Variants in HMCN1 observed in about 807,000 individuals in gnomAD.
HMCN1 encodes hemicentin 1.
HMCN1 carries 321 observed loss-of-function variants against 625.9 expected under a neutral mutation model. The ratio of observed to expected loss-of-function variants is 0.51; its 90% CI spans 0.47 to 0.56. The LOEUF (loss-of-function observed/expected upper bound fraction) is 0.56, where lower values mean the gene tolerates loss of function less well. HMCN1 is among the 20% of genes least tolerant of loss of function. The pLI is 0.00. For missense variants in HMCN1, 6,588 were observed against 6,887.3 expected (o/e 0.96, Z 1.54); for synonymous variants, 2,425 against 2,417.6 (o/e 1.00, Z -0.09).
At chr1:185,850,210 G>C (rs1486195382) in intron 2 of HMCN1, among the ~76,000 whole-genome samples, 1 of 152,062 alleles carries the variant, frequency 6.6e-6, no homozygotes, top group Non-Finnish European at 1.5e-5. Context: ...TTTTAAAAAT[G>C]TACATTTAAC....
chr1:185,758,108 A>G (rs1655250521), intron 1 of HMCN1, among the ~76,000 whole-genome samples: 1 of 152,200 alleles, frequency 6.6e-6, no homozygotes, highest in Admixed American at 6.5e-5. Context: ...CGTCTTGGCA[A>G]TCGTGTCATT....
In HMCN1 at chr1:186,160,818, G is replaced by C. The variant is rs917144184; in HGVS notation, c.15257-4293G>C. 1.7e-3 allele frequency among the ~76,000 whole-genome samples: 260 copies of C among 150,958 alleles called. 5 individuals are homozygous for C. The highest frequency in any genetic ancestry group is 6.8e-3 in the Middle Eastern group (2 of 292). ...TTATAATCTCTGTTCTTTTACATTTGTTGAGGAGAGCTTTACTTCCAAGTA... is the reference window on the plus strand; with the variant it reads ...TTATAATCTCTGTTCTTTTACATTTCTTGAGGAGAGCTTTACTTCCAAGTA... On this transcript the variant is annotated intron_variant, in intron 97 of 106. Transcript: ENST00000271588.
At position 186,137,917 on chromosome 1, in the gene HMCN1, G is replaced by A. The variant is rs776119234; in HGVS notation, c.13869G>A (p.Arg4623=). Residue 4623 remains arginine (R), a synonymous_variant, in exon 89 of 107, where the codon CGG becomes CGA. Transcript: ENST00000271588. The stretch of plus-strand genomic sequence containing the variant: ...ATCCATCAGTTCAGCATGGTGGGCG[G>A]CCATGTGAAGGGAATGCTGTGGAAA... ...CNNPSVQHGG[R]PCEGNAVEII... 6.2e-7 allele frequency: 1 copy of A among 1,614,064 alleles called. No individual in the cohort carries two copies. The highest frequency in any genetic ancestry group is 8.5e-7 in the Non-Finnish European group (1 of 1,179,972).
At chr1:186,070,557 A>T (rs1658414710) in intron 51 of HMCN1, 55 bp from the exon 52 acceptor site, 2 of 1,435,780 alleles carry the variant, frequency 1.4e-6, no homozygotes, top group Non-Finnish European at 2.0e-6. Flanking sequence ...TTTCTGTGGT[A>T]TTCCATGTAT....
intron 86 of HMCN1, among the ~76,000 whole-genome samples, chr1:186,134,527 G>A (rs754108150): frequency 1.9e-4 from 29 of 152,130 alleles, no homozygotes; most frequent in Non-Finnish European, 4.0e-4. Flanking sequence ...AGAAGGCATT[G>A]TGTAGGGTGA....
At chr1:185,960,424 C>T (rs543941464) in intron 11 of HMCN1, among the ~76,000 whole-genome samples, 9 of 152,050 alleles carry the variant, frequency 5.9e-5, no homozygotes, top group African/African-American at 9.7e-5. Flanking sequence ...CCACCATGCC[C>T]GGCAATCAGC....
intron 4 of HMCN1, among the ~76,000 whole-genome samples, chr1:185,902,405 C>CTATCTATCTATCTATCTATCTCTA (rs903275348): frequency 1.4e-5 from 2 of 145,358 alleles, no homozygotes; most frequent in African/African-American, 5.2e-5. Context: ...ATCTATCTAT[C>CTATCTATCTATCTATCTATCTCTA]TCTATCTATC....
At chr1:185,985,566 G>GTTTTAATAT in intron 19 of HMCN1, among the ~76,000 whole-genome samples, 1 of 152,258 alleles carries the variant, frequency 6.6e-6, no homozygotes, top group South Asian at 2.1e-4. Context: ...GTATTGTGAT[G>GTTTTAATAT]CAAGAAGTTT....
rs147997684 is a variant in HMCN1, at chr1:186,130,043, T to C, written c.12982T>C (p.Cys4328Arg). The C allele has an allele frequency of 6.2e-7, 1 of 1,613,372 alleles. No individual in the cohort carries two copies. Among genetic ancestry groups the C allele is most frequent in the Non-Finnish European group, 8.5e-7 (1 of 1,179,490 alleles). The change falls in exon 84 of 107, where the codon TGC (cysteine) becomes CGC (arginine). Residue 4328 changes from cysteine (C) to arginine (R), a missense_variant. Cys to Arg is a radical substitution (Grantham distance 180). Around this residue, in one of 3 missense-constraint regions of HMCN1, gnomAD observed 1,954 missense variants for 2,013.1 expected, o/e 0.97. Coordinates refer to ENST00000271588, the MANE Select transcript of HMCN1 (RefSeq NM_031935.3). The stretch of plus-strand genomic sequence containing the variant: ...AAAAGAGGATTCAGGTACTTATGTG[T>C]GCACCGCAGAGAACAGCGTTGGCTT... ...VSKEDSGTYV[C>R]TAENSVGFVK...
intron 96 of HMCN1, 90 bp from the exon 97 acceptor site, chr1:186,153,660 T>C: frequency 2.0e-6 from 2 of 1,021,914 alleles, no homozygotes; most frequent in South Asian, 1.3e-5. Flanking sequence ...TAATCCTTTT[T>C]CCCCGCTCAT....
chr1:186,043,392 C>A (rs1330231023), intron 40 of HMCN1, among the ~76,000 whole-genome samples: 3 of 152,024 alleles, frequency 2.0e-5, no homozygotes, highest in African/African-American at 7.2e-5. Flanking sequence ...ATTAGATTTG[C>A]TTCAATTTTT....
chr1:185,948,027 G>C (rs1019046612), intron 11 of HMCN1, among the ~76,000 whole-genome samples: 1 of 152,188 alleles, frequency 6.6e-6, no homozygotes, highest in Non-Finnish European at 1.5e-5. Context: ...CACACTGTTA[G>C]GATGGGATAT....
chr1:186,135,759 A>G (rs1649556948), intron 86 of HMCN1, among the ~76,000 whole-genome samples: 1 of 152,120 alleles, frequency 6.6e-6, no homozygotes, highest in African/African-American at 2.4e-5. Context: ...ATTCTTGGAT[A>G]TGTCTTCCTT....
intron 68 of HMCN1, among the ~76,000 whole-genome samples, chr1:186,095,853 C>T (rs945950150): frequency 1.4e-4 from 22 of 152,144 alleles, no homozygotes; most frequent in African/African-American, 5.3e-4. Flanking sequence ...GATGAAAAAG[C>T]ATAATAGGTA....
intron 96 of HMCN1, among the ~76,000 whole-genome samples, chr1:186,153,458 G>A (rs11586165): frequency 0.013 from 1,907 of 152,086 alleles, 13 homozygotes; most frequent in Middle Eastern, 0.037. Context: ...TCCTCATTCC[G>A]CCACTTTGTA....
chr1:185,884,947 A>G (rs1278261137), intron 4 of HMCN1, among the ~76,000 whole-genome samples: 1 of 152,064 alleles, frequency 6.6e-6, no homozygotes, highest in Admixed American at 6.6e-5. Flanking sequence ...CTGGTAAAAT[A>G]GTATAGTTAC....
rs36095829 is a variant in HMCN1 at position 186,132,650 on chromosome 1, C to CTT, written c.13312+250_13312+251dup. Among the ~76,000 whole-genome samples the CTT allele has an allele frequency of 5.4e-3, 806 of 149,238 alleles. 6 individuals carry two copies. The highest frequency in any genetic ancestry group is 0.026 in the Admixed American group (392 of 14,950). On this transcript the variant is annotated intron_variant, in intron 86 of 106. Coordinates refer to ENST00000271588, the MANE Select transcript of HMCN1 (RefSeq NM_031935.3). Reference sequence around the variant, plus strand: ...AGATTGCAATTGATTGGTGGCAGAGCTTTTTTTTTTATTATACTTTAAGTT... The same window carrying CTT: ...AGATTGCAATTGATTGGTGGCAGAGCTTTTTTTTTTTTATTATACTTTAAGTT...
chr1:186,017,916 T>TCCG lies in HMCN1; in HGVS notation c.5301-267_5301-266insCCG, dbSNP rs1467652609. ...TCACCTCAAGCATTTATCCTTTGTA[T>TCCG]TACAAACAATCCAATACTTCTCCCT... On this transcript the variant is annotated intron_variant, in intron 33 of 106. Transcript: ENST00000271588. Among the ~76,000 whole-genome samples the TCCG allele has an allele frequency of 3.6e-3, 555 of 152,170 alleles. 4 individuals carry two copies. Among genetic ancestry groups the TCCG allele is most frequent in the African/African-American group, 0.013 (525 of 41,558 alleles).
chr1:186,081,374 T>A lies in HMCN1; in HGVS notation c.8767T>A (p.Ser2923Thr), dbSNP rs1571322850. 2.5e-6 allele frequency: 4 copies of A among 1,613,134 alleles called. No individual in the cohort carries two copies. The highest frequency in any genetic ancestry group is 3.4e-6 in the Non-Finnish European group (4 of 1,179,240). Residue 2923 changes from serine (S) to threonine (T), a missense_variant, in exon 56 of 107, where the codon TCT becomes ACT. Physicochemically the swap from Ser to Thr is moderately conservative, Grantham distance 58. Coordinates refer to ENST00000271588, the MANE Select transcript of HMCN1 (RefSeq NM_031935.3). ...LLEDDHHKFL[S>T]NGRILQILNT... ...AGAAGATGACCATCATAAATTTCTA[T>A]CTAATGGACGAATTCTGCAGGTAAA...
Sources: gnomAD v4.1 joint callset for allele counts (sites outside exome capture counted in the v4.1 genomes callset) on GRCh38, gnomAD v4.1.1 for gene constraint, gnomAD v4.1.1 regional missense constraint, MANE v1.5 for transcripts, NCBI Gene and HGNC (gene_info 2026-07-23, HGNC 2026-07-21) for gene names.